The following TRPM6 variants were observed in gnomAD, a reference collection of about 807,000 sequenced individuals.
TRPM6 encodes the protein transient receptor potential cation channel subfamily M member 6, also known as channel kinase 2.
In TRPM6, 111 loss-of-function variants were observed where a neutral mutation model predicts 247.6. The ratio of observed to expected loss-of-function variants is 0.45; its 90% CI spans 0.38 to 0.52. The LOEUF (loss-of-function observed/expected upper bound fraction) is 0.52, where lower values mean the gene tolerates loss of function less well. TRPM6 is among the 20% of genes least tolerant of loss of function. The probability of loss-of-function intolerance (pLI) is 0.00; values close to 1 mark genes in which losing one functional copy is unlikely to be tolerated. For synonymous variants in TRPM6, 892 were observed against 853.8 expected (o/e 1.04, Z -0.78); for missense variants, 2,126 against 2,421.5 (o/e 0.88, Z 2.56).
chr9:74,822,970 G>A (rs905998303), intron 7 of TRPM6, among the ~76,000 whole-genome samples: 9 of 152,052 alleles, frequency 5.9e-5, no homozygotes. Context: ...AAAAGAGAAG[G>A]GAAGGTTTAG....
chr9:74,863,663 G>A (rs1830756158), intron 1 of TRPM6, among the ~76,000 whole-genome samples: 1 of 152,024 alleles, frequency 6.6e-6, no homozygotes, highest in Admixed American at 6.6e-5. Flanking sequence ...CTCACTGCGA[G>A]CTCCGCCTCC....
intron 3 of TRPM6, among the ~76,000 whole-genome samples, chr9:74,852,717 T>C (rs1033650480): frequency 5.9e-5 from 9 of 152,204 alleles, no homozygotes; most frequent in African/African-American, 1.9e-4. Flanking sequence ...TGTCTCCAGC[T>C]CCTGACCGCG....
chr9:74,844,442 C>T (rs116575413), intron 3 of TRPM6, among the ~76,000 whole-genome samples: 1 of 152,206 alleles, frequency 6.6e-6, no homozygotes, highest in African/African-American at 2.4e-5. Flanking sequence ...CCTCTGTTAG[C>T]ATTTATTGCT....
intron 1 of TRPM6, among the ~76,000 whole-genome samples, chr9:74,875,596 T>C (rs755149771): frequency 3.3e-5 from 5 of 152,116 alleles, no homozygotes; most frequent in Non-Finnish European, 5.9e-5. Flanking sequence ...TAAAGCCTTA[T>C]GTCAATTCAT....
intron 21 of TRPM6, 71 bp downstream of exon 21, chr9:74,785,803 G>A (rs908907207): frequency 6.9e-5 from 108 of 1,571,384 alleles, no homozygotes; most frequent in Non-Finnish European, 8.2e-5. Context: ...GATTACAGGT[G>A]TGAGCCACCA....
At chr9:74,861,377 G>C (rs1466290414) in intron 1 of TRPM6, among the ~76,000 whole-genome samples, 1 of 152,170 alleles carries the variant, frequency 6.6e-6, no homozygotes, top group African/African-American at 2.4e-5. Context: ...TAAACTTTAT[G>C]TGCACCAATT....
intron 11 of TRPM6, among the ~76,000 whole-genome samples, chr9:74,814,988 T>C (rs916409923): frequency 2.6e-5 from 4 of 151,578 alleles, no homozygotes; most frequent in Non-Finnish European, 5.9e-5. Flanking sequence ...AAAATTAAAA[T>C]AAAAAAATAA....
In TRPM6 at chr9:74,744,086, G is replaced by A. The variant is rs1825953435; in HGVS notation, c.5134+9C>T. 3 of 1,613,406 alleles carry A rather than the reference G, an allele frequency of 1.9e-6. No individual in the cohort carries two copies. In the African/African-American group the frequency reaches 4.0e-5, roughly 22 times the overall value. ...TCAGCTGACATGTCTATGTGCATAT[G>A]CATCCTACCTGAATAATGATGGTGA... On this transcript the variant is annotated intron_variant, in intron 32 of 38. Transcript: ENST00000360774.
intron 25 of TRPM6, among the ~76,000 whole-genome samples, chr9:74,764,834 C>T (rs1826773138): frequency 6.6e-6 from 1 of 152,064 alleles, no homozygotes; most frequent in Admixed American, 6.5e-5. Context: ...CAAAAACTTT[C>T]ACAATTTATT....
At chr9:74,753,750 A>G (rs1826344075) in intron 28 of TRPM6, among the ~76,000 whole-genome samples, 1 of 152,150 alleles carries the variant, frequency 6.6e-6, no homozygotes, top group African/African-American at 2.4e-5. Context: ...GCCTATTCAC[A>G]GACTTTTATT....
chr9:74,886,399 T>C (rs765500314), intron 1 of TRPM6, among the ~76,000 whole-genome samples: 68 of 152,298 alleles, frequency 4.5e-4, no homozygotes, highest in Admixed American at 1.8e-3. Context: ...GGGAAAGAAA[T>C]TGAATAACTC....
Position 74,724,416 on chromosome 9 carries a change from G to T in TRPM6, c.*197C>A. 1.5e-6 allele frequency: 1 copy of T among 685,184 alleles called. No individual in the cohort carries two copies. The highest frequency in any genetic ancestry group is 2.5e-6 in the Non-Finnish European group (1 of 402,486). The allele number at this position is 685,184 out of a possible 1,614,324, so 42.4% of individuals were successfully genotyped here. A position where few individuals can be genotyped will look rare whatever the true frequency, so the allele number is the denominator to read the frequency against. Reference sequence around the variant, plus strand: ...GAACTTGAGGATGGAGCTGCAAAGTGCCCTGGACAGAGGTCAGTGTCTAGG... The same window carrying T: ...GAACTTGAGGATGGAGCTGCAAAGTTCCCTGGACAGAGGTCAGTGTCTAGG... On this transcript the variant is annotated 3_prime_UTR_variant, in exon 39 of 39. Coordinates refer to ENST00000360774, the MANE Select transcript of TRPM6 (RefSeq NM_017662.5).
chr9:74,763,894 C>T (rs999763794), intron 25 of TRPM6, among the ~76,000 whole-genome samples: 2 of 152,130 alleles, frequency 1.3e-5, no homozygotes, highest in African/African-American at 4.8e-5. Context: ...ATGGCTCAGG[C>T]CTGTAATCCC....
intron 27 of TRPM6, 78 bp downstream of exon 27, chr9:74,761,618 A>G (rs1027753523): frequency 1.2e-6 from 1 of 867,798 alleles, no homozygotes; most frequent in Non-Finnish European, 2.0e-6. Flanking sequence ...GGCACTTTAC[A>G]GTAAAGATAA....
At chr9:74,749,996 A>C (rs990773445) in intron 30 of TRPM6, among the ~76,000 whole-genome samples, 2 of 152,216 alleles carry the variant, frequency 1.3e-5, no homozygotes, top group Admixed American at 1.3e-4. Flanking sequence ...GCAACTAGGA[A>C]AGTCCAGAAA....
chr9:74,742,656 A>C, intron 32 of TRPM6, 30 bp from the exon 33 acceptor site: 1 of 1,591,898 alleles, frequency 6.3e-7, no homozygotes, highest in Non-Finnish European at 8.6e-7. Context: ...TTCTATTTTA[A>C]GTATGCATCA....
intron 7 of TRPM6, among the ~76,000 whole-genome samples, chr9:74,826,291 G>T (rs1477974291): frequency 6.6e-6 from 1 of 152,212 alleles, no homozygotes; most frequent in Non-Finnish European, 1.5e-5. Flanking sequence ...GGCACAAAAT[G>T]ACAGCGCTTC....
chr9:74,885,795 C>A (rs1286313262), intron 1 of TRPM6, among the ~76,000 whole-genome samples: 1 of 152,110 alleles, frequency 6.6e-6, no homozygotes, highest in African/African-American at 2.4e-5. Context: ...ACAGTGAGGC[C>A]AGGCACAGTG....
chr9:74,832,851 G>A (rs187692488), intron 6 of TRPM6, among the ~76,000 whole-genome samples: 1 of 152,288 alleles, frequency 6.6e-6, no homozygotes, highest in African/African-American at 2.4e-5. Flanking sequence ...AGGAGTTTGA[G>A]ACCAGCCTAG....
Sources: allele counts gnomAD v4.1 joint callset (sites outside exome capture counted in the v4.1 genomes callset), GRCh38; gene constraint gnomAD v4.1.1; transcripts MANE v1.5; gene names NCBI Gene and HGNC (gene_info 2026-07-23, HGNC 2026-07-21).